POGZ: variants seen among roughly 807,000 people sequenced by gnomAD.
POGZ encodes pogo transposable element with ZNF domain.
POGZ carries 17 observed loss-of-function variants against 134.6 expected under a neutral mutation model. The ratio of observed to expected loss-of-function variants is 0.13; its 90% CI spans 0.09 to 0.19. The LOEUF is 0.19. POGZ is among the 10% of genes least tolerant of loss of function. The pLI, the probability that POGZ is intolerant of heterozygous loss-of-function variation, is 1.00. For missense variants in POGZ, 1,306 were observed against 1,769.7 expected (o/e 0.74, Z 4.70); for synonymous variants, 693 against 657.1 (o/e 1.05, Z -0.84).
Position 151,403,790 on chromosome 1 carries a change from T to A in POGZ, c.*1012A>T. ...TTCTTGAACAATTAGCTCCTGGCTG[T>A]AGGACCAGTAATCCCTTAAACAGGC... is the stretch of plus-strand genomic sequence containing the variant. On this transcript the variant is annotated 3_prime_UTR_variant, in exon 19 of 19. Transcript: ENST00000271715. 2.0e-6 allele frequency: 2 copies of A among 985,590 alleles called. No homozygotes were observed. Among genetic ancestry groups the A allele is most frequent in the Non-Finnish European group, 2.4e-6 (2 of 829,922 alleles). 61.1% of individuals were successfully genotyped at this position (985,590 alleles called of 1,614,324 possible). A position where few individuals can be genotyped will look rare whatever the true frequency, so the allele number is the denominator to read the frequency against.
Position 151,404,859 on chromosome 1 carries a change from A to G in POGZ, c.4176T>C (p.Ser1392=), listed in dbSNP as rs1314817476. The G allele has an allele frequency of 1.2e-6, 2 of 1,613,926 alleles. No individual in the cohort carries two copies. The highest frequency in any genetic ancestry group is 2.2e-5 in the South Asian group (2 of 91,068). ...CAAAGCCATAGAAAGACTCGGTCTCACTTTCACCCTCAAAGAGCTGGTGAA... is the reference window on the plus strand; with the variant it reads ...CAAAGCCATAGAAAGACTCGGTCTCGCTTTCACCCTCAAAGAGCTGGTGAA... The part of the protein sequence containing the change: ...ESLHQLFEGE[S]ETESFYGFEE... The change falls in exon 19 of 19, where the codon AGT becomes AGC. Residue 1392 remains serine, a synonymous_variant. Coordinates refer to ENST00000271715, the MANE Select transcript of POGZ (RefSeq NM_015100.4).
intron 9 of POGZ, 137 bp from the exon 10 acceptor site, chr1:151,423,688 C>T (rs1657319974): frequency 4.1e-6 from 3 of 736,710 alleles, no homozygotes; most frequent in Non-Finnish European, 6.6e-6. Flanking sequence ...ATATCCTTTT[C>T]TGAGCCCAGA....
intron 10 of POGZ, among the ~76,000 whole-genome samples, chr1:151,422,368 C>T (rs1461470796): frequency 6.6e-6 from 1 of 152,094 alleles, no homozygotes; most frequent in Non-Finnish European, 1.5e-5. Context: ...ACTGGAAATC[C>T]CGTAAAGGAC....
intron 10 of POGZ, among the ~76,000 whole-genome samples, chr1:151,420,919 C>T (rs554259628): frequency 1.9e-4 from 28 of 151,102 alleles, no homozygotes; most frequent in African/African-American, 6.3e-4. Context: ...GGGAAATATA[C>T]GTTCCAAGAC....
intron 1 of POGZ, among the ~76,000 whole-genome samples, chr1:151,458,447 G>A (rs865980144): frequency 1.9e-4 from 29 of 152,048 alleles, no homozygotes; most frequent in African/African-American, 6.8e-4. Context: ...CTAAGGCTTA[G>A]GATGTACTAT....
chr1:151,424,394 A>C, intron 8 of POGZ, 108 bp from the exon 9 acceptor site: 18 of 701,942 alleles, frequency 2.6e-5, no homozygotes, highest in Non-Finnish European at 3.7e-5. Context: ...AGGTATTCTC[A>C]TTCAGCTTTC....
At position 151,441,104 on chromosome 1, in the gene POGZ, C is replaced by T; in HGVS notation, c.125-18G>A. The stretch of plus-strand genomic sequence containing the variant: ...CACAGAAACTGTGGGGAAGGGGAGG[C>T]ATAGTCACTTGGAGACAGGGACAGA... On this transcript the variant is annotated intron_variant, in intron 2 of 18. Transcript: ENST00000271715. 6.2e-7 allele frequency: 1 copy of T among 1,608,420 alleles called. No homozygotes were observed. The highest frequency in any genetic ancestry group is 1.1e-5 in the South Asian group (1 of 90,746).
chr1:151,407,187 ATG>A, intron 16 of POGZ, 46 bp downstream of exon 16: 1 of 1,409,324 alleles, frequency 7.1e-7, no homozygotes, highest in Non-Finnish European at 9.9e-7. Flanking sequence ...CTGAAAATTA[ATG>A]TAAAAACCTG....
At chr1:151,446,187 A>G in intron 1 of POGZ, among the ~76,000 whole-genome samples, 1 of 151,060 alleles carries the variant, frequency 6.6e-6, no homozygotes, top group South Asian at 2.1e-4. Flanking sequence ...CAAAAAAAAA[A>G]AAAAGATCTT....
chr1:151,414,853 G>A (rs928068736), intron 10 of POGZ, among the ~76,000 whole-genome samples: 2 of 152,100 alleles, frequency 1.3e-5, no homozygotes, highest in African/African-American at 4.8e-5. Flanking sequence ...AAATATAAGG[G>A]GATTTAAGAG....
chr1:151,422,048 C>A (rs1433661831), intron 10 of POGZ, among the ~76,000 whole-genome samples: 1 of 152,156 alleles, frequency 6.6e-6, no homozygotes, highest in African/African-American at 2.4e-5. Context: ...CACACCCAGT[C>A]CTTATTGTTT....
chr1:151,430,898 A>G, intron 3 of POGZ, 57 bp from the exon 4 acceptor site: 1 of 1,012,314 alleles, frequency 9.9e-7, no homozygotes, highest in East Asian at 3.3e-5. Flanking sequence ...TTAAACCCAC[A>G]TTTTACTTTA....
In POGZ at chr1:151,423,446, G is replaced by C; in HGVS notation, c.1629C>G (p.Phe543Leu). Residue 543 changes from phenylalanine (F) to leucine (L), a missense_variant, in exon 10 of 19, where the codon TTC becomes TTG. By Grantham distance (22) the Phe-to-Leu change is conservative. Coordinates refer to ENST00000271715, the MANE Select transcript of POGZ (RefSeq NM_015100.4). ...QHCYRQFSTP[F>L]QLQCHLENVH... ...CATTTTCCAAGTGGCACTGAAGCTG[G>C]AAGGGAGTGGAAAACTGGCGGTAAC... The C allele has an allele frequency of 6.2e-7, 1 of 1,614,104 alleles. No homozygotes were observed. The highest frequency in any genetic ancestry group is 8.5e-7 in the Non-Finnish European group (1 of 1,179,936).
chr1:151,454,310 A>G (rs191822491), intron 1 of POGZ, among the ~76,000 whole-genome samples: 1 of 152,308 alleles, frequency 6.6e-6, no homozygotes, highest in East Asian at 1.9e-4. Flanking sequence ...AGTTACCTCA[A>G]TTTTTGGCTC....
chr1:151,434,930 G>A (rs1480227468), intron 3 of POGZ, among the ~76,000 whole-genome samples: 2 of 148,884 alleles, frequency 1.3e-5, no homozygotes, highest in African/African-American at 5.0e-5. Context: ...TTTTCACAAG[G>A]AGTTTTGCTC....
chr1:151,454,010 C>T (rs1306409575), intron 1 of POGZ, among the ~76,000 whole-genome samples: 2 of 152,164 alleles, frequency 1.3e-5, no homozygotes, highest in African/African-American at 4.8e-5. Flanking sequence ...CTGTTTTCCA[C>T]AACTATCCTG....
chr1:151,457,866 G>A (rs1245701914), intron 1 of POGZ, among the ~76,000 whole-genome samples: 1 of 151,616 alleles, frequency 6.6e-6, no homozygotes, highest in African/African-American at 2.4e-5. Context: ...GGCGGAGGTT[G>A]CAGTGAGCAG....
chr1:151,436,293 C>A (rs924937515), intron 3 of POGZ, among the ~76,000 whole-genome samples: 18 of 151,948 alleles, frequency 1.2e-4, no homozygotes, highest in Non-Finnish European at 1.9e-4. Flanking sequence ...TCAAAAGAAA[C>A]CTCATTTCCC....
chr1:151,421,458 G>A (rs1400403607), intron 10 of POGZ, among the ~76,000 whole-genome samples: 1 of 152,124 alleles, frequency 6.6e-6, no homozygotes. Context: ...ACTGCCTAGT[G>A]TTACTGTAAG....
Sources: allele counts gnomAD v4.1 joint callset (sites outside exome capture counted in the v4.1 genomes callset), GRCh38; gene constraint gnomAD v4.1.1; transcripts MANE v1.5; gene names NCBI Gene and HGNC (gene_info 2026-07-23, HGNC 2026-07-21).